MNS1: variants seen among roughly 807,000 people sequenced by gnomAD.
MNS1 encodes meiosis-specific nuclear structural protein 1.
MNS1 carries 63 observed loss-of-function variants against 72.0 expected under a neutral mutation model. The observed-to-expected ratio is 0.87, with a 90% CI of 0.71 to 1.08. MNS1 has a LOEUF of 1.08. MNS1 is among the 50% of genes least tolerant of loss of function. The pLI is 0.00. For missense variants in MNS1, 604 were observed against 562.4 expected, an observed-to-expected ratio of 1.07 and a Z score of -0.75; for synonymous variants, 188 against 172.1, an observed-to-expected ratio of 1.09 and a Z score of -0.72.
At chr15:56,432,350 T>C (rs2050618779) in intron 8 of MNS1, among the ~76,000 whole-genome samples, 2 of 152,206 alleles carry the variant, frequency 1.3e-5, no homozygotes, top group South Asian at 4.1e-4. Context: ...TGTAGGAAAC[T>C]ACCTCCTGGG....
In MNS1 at chr15:56,450,112, G is replaced by C. The variant is rs16976915; in HGVS notation, c.354-3169C>G. On this transcript the variant is annotated intron_variant, in intron 3 of 9. Transcript: ENST00000260453. ...TTGTAATCATTCCAGAAGAGAATTTGCAGTTTGTTTTCTAGTAATTCCAGA... is the reference window on the plus strand; with the variant it reads ...TTGTAATCATTCCAGAAGAGAATTTCCAGTTTGTTTTCTAGTAATTCCAGA... Among the ~76,000 whole-genome samples, 1,270 of 152,158 alleles carry C rather than the reference G, an allele frequency of 8.3e-3. 19 individuals carry two copies. Among genetic ancestry groups the C allele is most frequent in the African/African-American group, 0.029 (1,197 of 41,520 alleles).
At chr15:56,464,469 G>A (rs1430785343) in intron 1 of MNS1, among the ~76,000 whole-genome samples, 1 of 152,030 alleles carries the variant, frequency 6.6e-6, no homozygotes, top group Non-Finnish European at 1.5e-5. Flanking sequence ...AACATGAAAA[G>A]TAACTTTACC....
chr15:56,463,095 T>C (rs1454196401), intron 2 of MNS1, among the ~76,000 whole-genome samples: 1 of 152,174 alleles, frequency 6.6e-6, no homozygotes, highest in African/African-American at 2.4e-5. Flanking sequence ...ACTACTGACA[T>C]ATCAGAATAC....
chr15:56,444,297 G>A, intron 5 of MNS1, 147 bp downstream of exon 5: 1 of 625,600 alleles, frequency 1.6e-6, no homozygotes. Flanking sequence ...AGAAGGAGTT[G>A]GTCCCAATTT....
Position 56,452,708 on chromosome 15 carries a change from C to T in MNS1, c.353+3686G>A, listed in dbSNP as rs112476472. On this transcript the variant is annotated intron_variant, in intron 3 of 9. Transcript: ENST00000260453. ...TAATTTTTTGTATTTTTAGTAGAGA[C>T]GCGGTTTCACCGTGTTAGCCAGGAT... Among the ~76,000 whole-genome samples the T allele has an allele frequency of 4.5e-3, 683 of 151,836 alleles. 2 individuals carry two copies. Among genetic ancestry groups the T allele is most frequent in the Middle Eastern group, 0.01 (3 of 290 alleles).
intron 3 of MNS1, among the ~76,000 whole-genome samples, chr15:56,449,127 A>C (rs2050929560): frequency 6.6e-6 from 1 of 152,096 alleles, no homozygotes; most frequent in South Asian, 2.1e-4. Context: ...TTATTCCTTT[A>C]ATGCCAATCC....
At chr15:56,440,921 A>G (rs1802408855) in intron 7 of MNS1, among the ~76,000 whole-genome samples, 1 of 152,110 alleles carries the variant, frequency 6.6e-6, no homozygotes, top group South Asian at 2.1e-4. Context: ...TTCTACTTTT[A>G]GACTATTGTG....
intron 3 of MNS1, among the ~76,000 whole-genome samples, chr15:56,453,125 C>T (rs1347586000): frequency 1.3e-5 from 2 of 152,094 alleles, no homozygotes; most frequent in African/African-American, 4.8e-5. Context: ...TATTATTTGA[C>T]AATGCAAGAT....
chr15:56,460,268 G>A (rs11639320), intron 2 of MNS1, among the ~76,000 whole-genome samples: 10,368 of 151,768 alleles, frequency 0.068, 451 homozygotes, highest in Non-Finnish European at 0.1. Context: ...TAATGATCTT[G>A]AGGGGTCTTA....
At chr15:56,447,795 G>GT (rs2050918383) in intron 3 of MNS1, 2 of 152,032 alleles carry the variant, frequency 1.3e-5, no homozygotes, top group Non-Finnish European at 2.9e-5. Context: ...TAAACCTGTG[G>GT]TACCTCTCTT....
chr15:56,449,548 T>C (rs2050933644), intron 3 of MNS1, among the ~76,000 whole-genome samples: 1 of 152,192 alleles, frequency 6.6e-6, no homozygotes. Context: ...GAGAGATTAG[T>C]CTACAGGTTT....
chr15:56,460,006 A>AT lies in MNS1; in HGVS notation c.226-3486_226-3485insA, dbSNP rs1567154754. Reference sequence around the variant, plus strand: ...ATTCTGTCTCAAAAAAAAAAAAAAAAAAAATACATATATATATATATATAT... The same window carrying AT: ...ATTCTGTCTCAAAAAAAAAAAAAAAATAAAATACATATATATATATATATAT... On this transcript the variant is annotated intron_variant, in intron 2 of 9. Transcript: ENST00000260453. Among the ~76,000 whole-genome samples the AT allele has an allele frequency of 3.6e-4, 21 of 57,648 alleles. 1 individual carries two copies. Among genetic ancestry groups the AT allele is most frequent in the African/African-American group, 8.1e-4 (13 of 15,954 alleles). The allele number at this position is 57,648 out of a possible 152,430, so 37.8% of individuals were successfully genotyped here.
intron 7 of MNS1, among the ~76,000 whole-genome samples, chr15:56,441,310 G>A (rs1291707850): frequency 6.6e-6 from 1 of 151,774 alleles, no homozygotes; most frequent in Non-Finnish European, 1.5e-5. Context: ...CCTAGAATAT[G>A]ATCTATCTCG....
intron 2 of MNS1, among the ~76,000 whole-genome samples, chr15:56,460,736 T>C (rs1405393030): frequency 3.9e-5 from 6 of 152,228 alleles, no homozygotes; most frequent in African/African-American, 1.4e-4. Context: ...CCAAGAATTA[T>C]GAGTAAACCT....
rs2050997506 is a variant in MNS1, at chr15:56,458,785, C to T, written c.226-2264G>A. On this transcript the variant is annotated intron_variant, in intron 2 of 9. Coordinates refer to ENST00000260453, the MANE Select transcript of MNS1 (RefSeq NM_018365.4). ...TCCACATCTTTTCATGGCTTCATAG[C>T]TCATTTCATTTTGGCACTGAATAAT... Among the ~76,000 whole-genome samples, 8 of 152,128 alleles carry T rather than the reference C, an allele frequency of 5.3e-5. No individual in the cohort carries two copies. The South Asian group carries it at 1.7e-3, about 32-fold the overall frequency.
At chr15:56,462,849 A>G (rs2032624312) in intron 2 of MNS1, among the ~76,000 whole-genome samples, 1 of 152,194 alleles carries the variant, frequency 6.6e-6, no homozygotes, top group Non-Finnish European at 1.5e-5. Context: ...TGTACACTTA[A>G]CTATGTAGGA....
chr15:56,442,418 A>G (rs117625775), intron 7 of MNS1, among the ~76,000 whole-genome samples: 6,768 of 152,294 alleles, frequency 0.044, 224 homozygotes, highest in Admixed American at 0.089. Flanking sequence ...AAATCATTTT[A>G]CCATAATGAC....
At chr15:56,463,923 T>C in intron 2 of MNS1, 103 bp downstream of exon 2, 1 of 923,110 alleles carries the variant, frequency 1.1e-6, no homozygotes, top group Non-Finnish European at 1.6e-6. Context: ...ATCACTTACC[T>C]GCTGCTGTTG....
intron 7 of MNS1, among the ~76,000 whole-genome samples, chr15:56,437,413 C>T (rs1158998564): frequency 2.0e-5 from 3 of 152,176 alleles, no homozygotes; most frequent in Non-Finnish European, 4.4e-5. Flanking sequence ...CAAAATTCAA[C>T]AGCCCTTCTT....
Sources: gnomAD v4.1 joint callset for allele counts (sites outside exome capture counted in the v4.1 genomes callset) on GRCh38, gnomAD v4.1.1 for gene constraint, MANE v1.5 for transcripts, NCBI Gene and HGNC (gene_info 2026-07-23, HGNC 2026-07-21) for gene names.